Variants in LRP1B observed in about 807,000 individuals in gnomAD.
The protein encoded by LRP1B is LDL receptor related protein 1B, also known as low-density lipoprotein receptor-related protein 1B.
In LRP1B, 217 loss-of-function variants were observed where a neutral mutation model predicts 556.6. The ratio of observed to expected loss-of-function variants is 0.39; its 90% confidence interval spans 0.35 to 0.44. LRP1B has a LOEUF of 0.44. Ranked by LOEUF, LRP1B falls within the 20% of genes least tolerant of loss-of-function variation. LRP1B has a pLI of 1.00. For synonymous variants in LRP1B, 2,047 were observed against 1,865.8 expected (o/e 1.10, Z -2.50); for missense variants, 5,053 against 5,620.8 (o/e 0.90, Z 3.23).
At chr2:141,983,276 A>T (rs999034496) in intron 1 of LRP1B, among the ~76,000 whole-genome samples, 4 of 152,040 alleles carry the variant, frequency 2.6e-5, no homozygotes, top group African/African-American at 9.7e-5. Context: ...CACACACACA[A>T]ATTGGTCCCC....
At chr2:140,405,228 A>T (rs1209877292) in intron 66 of LRP1B, among the ~76,000 whole-genome samples, 4 of 152,228 alleles carry the variant, frequency 2.6e-5, no homozygotes. Context: ...GCAAGGAGGA[A>T]AGTTCATAGC....
chr2:141,081,778 T>C (rs1276103456), intron 7 of LRP1B, among the ~76,000 whole-genome samples: 1 of 152,162 alleles, frequency 6.6e-6, no homozygotes, highest in Non-Finnish European at 1.5e-5. Context: ...GAGCTGTCTC[T>C]AGTAACACAC....
chr2:141,908,153 T>G, intron 1 of LRP1B, among the ~76,000 whole-genome samples: 1 of 152,100 alleles, frequency 6.6e-6, no homozygotes. Context: ...TTATGGAAAA[T>G]TTGCAAAATA....
At chr2:141,056,855 G>A (rs1699191407) in intron 9 of LRP1B, among the ~76,000 whole-genome samples, 1 of 151,642 alleles carries the variant, frequency 6.6e-6, no homozygotes, top group African/African-American at 2.4e-5. Context: ...ACTTTAATTT[G>A]TAATAAACAT....
intron 7 of LRP1B, among the ~76,000 whole-genome samples, chr2:141,139,126 G>A (rs1701566386): frequency 6.6e-6 from 1 of 151,750 alleles, no homozygotes; most frequent in Non-Finnish European, 1.5e-5. Flanking sequence ...AATGGTGCTG[G>A]AAAAATTAGA....
chr2:140,380,126 C>T (rs531172487), intron 67 of LRP1B, among the ~76,000 whole-genome samples: 1 of 152,200 alleles, frequency 6.6e-6, no homozygotes, highest in East Asian at 1.9e-4. Context: ...AAGGAACGTG[C>T]TATACTTGTA....
intron 29 of LRP1B, among the ~76,000 whole-genome samples, chr2:140,841,853 A>G (rs1020101166): frequency 2.0e-5 from 3 of 152,258 alleles, no homozygotes; most frequent in Non-Finnish European, 2.9e-5. Context: ...TATAAAGGAT[A>G]AATGCAGAAA....
intron 2 of LRP1B, among the ~76,000 whole-genome samples, chr2:141,785,156 A>G (rs1207687556): frequency 6.6e-6 from 1 of 151,986 alleles, no homozygotes. Flanking sequence ...TTCTGGCTCA[A>G]AATGATCAGT....
chr2:140,905,858 G>A (rs533878748), intron 22 of LRP1B, among the ~76,000 whole-genome samples: 3 of 152,148 alleles, frequency 2.0e-5, no homozygotes, highest in African/African-American at 7.2e-5. Flanking sequence ...ATTGTAACAA[G>A]GATCACTATA....
intron 56 of LRP1B, among the ~76,000 whole-genome samples, chr2:140,494,606 C>CAAAAA (rs77006034): frequency 4.7e-5 from 3 of 64,156 alleles, no homozygotes; most frequent in Admixed American, 1.8e-4. Context: ...GACTCCGTCT[C>CAAAAA]AAAAAAAAAA....
chr2:141,962,868 C>A (rs965750366), intron 1 of LRP1B, among the ~76,000 whole-genome samples: 1 of 151,730 alleles, frequency 6.6e-6, no homozygotes, highest in Non-Finnish European at 1.5e-5. Context: ...GAATATGATT[C>A]GTTTTCCTTC....
chr2:141,880,890 C>T (rs1558937126), intron 1 of LRP1B, among the ~76,000 whole-genome samples: 1 of 151,868 alleles, frequency 6.6e-6, no homozygotes. Context: ...TATTTTGATT[C>T]AGGTCAGTCT....
At chr2:140,493,132 A>G (rs1405884218) in intron 56 of LRP1B, among the ~76,000 whole-genome samples, 1 of 152,182 alleles carries the variant, frequency 6.6e-6, no homozygotes, top group Non-Finnish European at 1.5e-5. Context: ...AGTGAAGACC[A>G]AGAGTATCAC....
At chr2:141,287,120 C>A (rs300344) in intron 3 of LRP1B, among the ~76,000 whole-genome samples, 152,194 of 152,292 alleles carry the variant, frequency 1, 76,048 homozygotes, top group Non-Finnish European at 1. Flanking sequence ...GGAGTTTATT[C>A]ATTTTATTAG....
intron 43 of LRP1B, among the ~76,000 whole-genome samples, chr2:140,584,811 T>C (rs1474911559): frequency 1.3e-5 from 2 of 152,170 alleles, no homozygotes; most frequent in Non-Finnish European, 2.9e-5. Context: ...CCTATCTTAC[T>C]GGATAGGAAT....
At chr2:141,668,265 G>A (rs1898426) in intron 2 of LRP1B, among the ~76,000 whole-genome samples, 4,925 of 151,944 alleles carry the variant, frequency 0.032, 122 homozygotes, top group East Asian at 0.082. Context: ...ATATTGATAC[G>A]GACAGGAGAC....
At chr2:141,355,410 A>T (rs1688591237) in intron 3 of LRP1B, among the ~76,000 whole-genome samples, 1 of 152,048 alleles carries the variant, frequency 6.6e-6, no homozygotes, top group African/African-American at 2.4e-5. Flanking sequence ...AACTAATTTG[A>T]GAACATTTTC....
chr2:140,978,626 C>T (rs1696675022), intron 18 of LRP1B, among the ~76,000 whole-genome samples: 1 of 152,116 alleles, frequency 6.6e-6, no homozygotes, highest in Admixed American at 6.6e-5. Context: ...GTATGCAGTG[C>T]AGGAATAATT....
In LRP1B at chr2:140,370,767, G is replaced by A. The variant is rs368583436; in HGVS notation, c.10951C>T (p.Leu3651=). ...NKAHCIPIRW[L]CDGIHDCVDG... ...ACACAGTCATGAATTCCATCACACAGCCATCTAATTGGAATACAGTGGGCT... is the reference window on the plus strand; with the variant it reads ...ACACAGTCATGAATTCCATCACACAACCATCTAATTGGAATACAGTGGGCT... The change falls in exon 71 of 91, where the codon CTG becomes TTG. Residue 3651 remains leucine (L), a synonymous_variant. Transcript: ENST00000389484. 1.1e-5 allele frequency: 17 copies of A among 1,612,726 alleles called. No homozygotes were observed. The African/African-American group carries it at 2.3e-4, about 22-fold the overall frequency.
Sources: allele counts gnomAD v4.1 joint callset (sites outside exome capture counted in the v4.1 genomes callset), GRCh38; gene constraint gnomAD v4.1.1; transcripts MANE v1.5; gene names NCBI Gene and HGNC (gene_info 2026-07-23, HGNC 2026-07-21).